Variants in ZCCHC2 observed in about 807,000 individuals in gnomAD.
The protein encoded by ZCCHC2 is zinc finger CCHC-type containing 2.
In ZCCHC2, 39 loss-of-function variants were observed where a neutral mutation model predicts 103.6. The ratio of observed to expected loss-of-function variants is 0.38; its 90% confidence interval spans 0.29 to 0.49. The LOEUF is 0.49. Ranked by LOEUF, ZCCHC2 falls within the 20% of genes least tolerant of loss-of-function variation. The probability of loss-of-function intolerance (pLI) is 0.96; values close to 1 mark genes in which losing one functional copy is unlikely to be tolerated. For missense variants in ZCCHC2, 1,483 were observed against 1,491.0 expected (o/e 0.99, Z 0.09); for synonymous variants, 687 against 608.9 (o/e 1.13, Z -1.89).
rs749046042 is a variant in ZCCHC2, at chr18:62,523,497, G to T, written c.73G>T (p.Ala25Ser). 2.5e-3 allele frequency: 2,480 copies of T among 999,716 alleles called. 57 individuals are homozygous for T. In the African/African-American group the frequency reaches 0.041, roughly 17 times the overall value. The allele number at this position is 999,716 out of a possible 1,614,324, so 61.9% of individuals were successfully genotyped here. A position where few individuals can be genotyped will look rare whatever the true frequency, so the allele number is the denominator to read the frequency against. Residue 25 changes from alanine (A) to serine (S), a missense_variant, in exon 1 of 14, where the codon GCG becomes TCG. By Grantham distance (99) the Ala-to-Ser change is moderately conservative (BLOSUM62 1). Around this residue, in one of 3 missense-constraint regions of ZCCHC2, gnomAD observed 568 missense variants for 525.1 expected, o/e 1.08. Transcript: ENST00000269499. The part of the protein sequence containing the change: ...EPPPEAEEPE[A>S]DARPGAKAPS... ...GCCGCCCGAGGCGGAGGAGCCCGAG[G>T]CGGACGCGCGGCCGGGCGCGAAGGC...
In ZCCHC2 at chr18:62,575,501, A is replaced by G. The variant is rs763927773; in HGVS notation, c.3420A>G (p.Gly1140=). 2.0e-5 allele frequency: 32 copies of G among 1,613,926 alleles called. No homozygotes were observed. Among genetic ancestry groups the G allele is most frequent in the Non-Finnish European group, 2.7e-5 (32 of 1,179,908 alleles). Residue 1140 remains glycine (G), a synonymous_variant, in exon 13 of 14, where the codon GGA becomes GGG. Coordinates refer to ENST00000269499, the MANE Select transcript of ZCCHC2 (RefSeq NM_017742.6). ...CATGTTACAATTGTGGTGTAAGCGG[A>G]CACTATGCACAGGACTGTAAGCAGT... The part of the protein sequence containing the change: ...NVSCYNCGVS[G]HYAQDCKQSS...
At chr18:62,579,720 G>A (rs1287347116), downstream of ZCCHC2, among the ~76,000 whole-genome samples, 2 of 151,826 alleles carry the variant, frequency 1.3e-5, no homozygotes, top group Admixed American at 6.6e-5. Flanking sequence ...GATTGTGTTA[G>A]TCTTTTCTTT....
At position 62,562,582 on chromosome 18, in the gene ZCCHC2, A is replaced by G. The variant is rs78546174; in HGVS notation, c.1551-427A>G. On this transcript the variant is annotated intron_variant, in intron 8 of 13. Coordinates refer to ENST00000269499, the MANE Select transcript of ZCCHC2 (RefSeq NM_017742.6). The stretch of plus-strand genomic sequence containing the variant: ...ACTGTTACCTGAAAGTCTGTGTCCA[A>G]TAAGTTTATCATCTGAATTCTGCTG... Among the ~76,000 whole-genome samples, 1,522 of 152,250 alleles carry G rather than the reference A, an allele frequency of 1.0e-2. 17 individuals carry two copies. Among genetic ancestry groups the G allele is most frequent in the African/African-American group, 0.035 (1,450 of 41,526 alleles).
Position 62,564,627 on chromosome 18 carries a change from A to T in ZCCHC2, c.1743A>T (p.Gln581His), listed in dbSNP as rs553504792. 1.7e-4 allele frequency: 258 copies of T among 1,543,728 alleles called. 5 individuals carry two copies. The highest frequency in any genetic ancestry group is 1.3e-3 in the South Asian group (110 of 82,554). ...TAAATAAGAAGAAAGGAAAGCCACA[A>T]ACAGAAAAGTAGGTTCAATTTAAGG... The part of the protein sequence containing the change: ...SSINKKKGKP[Q>H]TEKEKIKKTD... Residue 581 changes from glutamine (Q) to histidine (H), a missense_variant, in exon 10 of 14, where the codon CAA becomes CAT. Gln to His is a conservative substitution (Grantham distance 24, BLOSUM62 0). This residue lies in a region of ZCCHC2 where 884 missense variants were observed against 907.5 expected (regional missense o/e 0.97). Transcript: ENST00000269499.
At chr18:62,584,007 G>T (rs547042839) in intron 14 of ZCCHC2, among the ~76,000 whole-genome samples, 70 of 152,268 alleles carry the variant, frequency 4.6e-4, no homozygotes, top group African/African-American at 1.6e-3. Context: ...GCTTGCTCAG[G>T]TTGGATTCCT....
Position 62,528,926 on chromosome 18 carries a change from A to G in ZCCHC2, c.939+4563A>G, listed in dbSNP as rs1275262347. Among the ~76,000 whole-genome samples the G allele has an allele frequency of 2.6e-5, 4 of 152,218 alleles. No homozygotes were observed. In the South Asian group the frequency reaches 8.3e-4, roughly 32 times the overall value. ...CTGTAATTCCAGCACTTTGAAAGCC[A>G]AGGCAGGTGGATCACCTGAGGTCAG... On this transcript the variant is annotated intron_variant, in intron 1 of 13. Transcript: ENST00000269499.
At chr18:62,551,401 T>C (rs1915656899) in intron 5 of ZCCHC2, 1 of 152,162 alleles carries the variant, frequency 6.6e-6, no homozygotes, top group Non-Finnish European at 1.5e-5. Context: ...GGAAAGCAGG[T>C]AGTTGTATTT....
At chr18:62,526,890 CA>C (rs1568534808) in intron 1 of ZCCHC2, 2 of 151,910 alleles carry the variant, frequency 1.3e-5, no homozygotes, top group African/African-American at 2.4e-5. Context: ...CCGCGGAGGC[CA>C]GGCTTTGGGC....
intron 12 of ZCCHC2, among the ~76,000 whole-genome samples, chr18:62,570,549 C>T (rs1199724471): frequency 6.6e-6 from 1 of 152,176 alleles, no homozygotes; most frequent in Non-Finnish European, 1.5e-5. Flanking sequence ...TGTTTATGCT[C>T]TTTACGTCCT....
At chr18:62,530,710 C>T (rs1248073293) in intron 1 of ZCCHC2, among the ~76,000 whole-genome samples, 1 of 151,888 alleles carries the variant, frequency 6.6e-6, no homozygotes, top group Non-Finnish European at 1.5e-5. Flanking sequence ...ACAGATAAAC[C>T]CAAAGGAAGG....
chr18:62,564,135 A>C lies in ZCCHC2; in HGVS notation c.1687-436A>C, dbSNP rs149761177. On this transcript the variant is annotated intron_variant, in intron 9 of 13. Coordinates refer to ENST00000269499, the MANE Select transcript of ZCCHC2 (RefSeq NM_017742.6). ...AGAAATTATAAATAGTTTTAGTCAT[A>C]ATTAGTGACCTATTTTCAAAGCCCG... Among the ~76,000 whole-genome samples the C allele has an allele frequency of 2.5e-3, 375 of 152,294 alleles. 3 individuals are homozygous for C. Among genetic ancestry groups the C allele is most frequent in the African/African-American group, 8.6e-3 (357 of 41,562 alleles).
At chr18:62,531,605 T>G (rs929462327) in intron 1 of ZCCHC2, among the ~76,000 whole-genome samples, 1 of 152,078 alleles carries the variant, frequency 6.6e-6, no homozygotes, top group Admixed American at 6.5e-5. Context: ...GATATATGTA[T>G]TATTCATAGA....
intron 1 of ZCCHC2, among the ~76,000 whole-genome samples, chr18:62,538,274 A>AG (rs912268569): frequency 1.5e-4 from 22 of 151,630 alleles, no homozygotes; most frequent in Non-Finnish European, 1.5e-4. Context: ...AAAAAAAAAA[A>AG]AAAGAAAGAA....
At chr18:62,525,438 C>G (rs1475554758) in intron 1 of ZCCHC2, 1 of 152,122 alleles carries the variant, frequency 6.6e-6, no homozygotes, top group East Asian at 1.9e-4. Context: ...CCATGTTTTT[C>G]AGCTTAGGTG....
chr18:62,567,616 A>C (rs1916421520), intron 11 of ZCCHC2, among the ~76,000 whole-genome samples: 1 of 152,124 alleles, frequency 6.6e-6, no homozygotes, highest in Non-Finnish European at 1.5e-5. Context: ...CTGTCTTCTG[A>C]AGAGGTGCAT....
At chr18:62,531,396 A>G (rs749930186) in intron 1 of ZCCHC2, among the ~76,000 whole-genome samples, 3 of 152,174 alleles carry the variant, frequency 2.0e-5, no homozygotes, top group Non-Finnish European at 4.4e-5. Flanking sequence ...TTCATTAGAA[A>G]TGTTTTGTGC....
chr18:62,565,524 T>C (rs1035904210), intron 11 of ZCCHC2, among the ~76,000 whole-genome samples: 1 of 152,186 alleles, frequency 6.6e-6, no homozygotes, highest in Non-Finnish European at 1.5e-5. Context: ...TTGCGAAGTT[T>C]TATGAGGCTT....
At chr18:62,564,245 G>A (rs1916249007) in intron 9 of ZCCHC2, among the ~76,000 whole-genome samples, 1 of 152,136 alleles carries the variant, frequency 6.6e-6, no homozygotes, top group African/African-American at 2.4e-5. Context: ...CAGTTATATG[G>A]AATTGTACTT....
In ZCCHC2 at chr18:62,556,247, A is replaced by C; in HGVS notation, c.1358A>C (p.Lys453Thr). 1 of 1,607,648 alleles carries C rather than the reference A, an allele frequency of 6.2e-7. No individual in the cohort carries two copies. The highest frequency in any genetic ancestry group is 8.5e-7 in the Non-Finnish European group (1 of 1,176,764). Residue 453 changes from lysine to threonine, a missense_variant, in exon 6 of 14, where the codon AAA becomes ACA. This residue lies in a region of ZCCHC2 where 884 missense variants were observed against 907.5 expected (regional missense o/e 0.97). Coordinates refer to ENST00000269499, the MANE Select transcript of ZCCHC2 (RefSeq NM_017742.6). ...SSSQAFLQSQKVHSFFQSISS... is the reference protein window; with the variant it reads ...SSSQAFLQSQTVHSFFQSISS... Reference sequence around the variant, plus strand: ...TCACAAGCTTTTCTACAAAGTCAGAAAGTACACAGCTTCTTTCAGTCCATA... The same window carrying C: ...TCACAAGCTTTTCTACAAAGTCAGACAGTACACAGCTTCTTTCAGTCCATA...
Sources: gnomAD v4.1 joint callset for allele counts (sites outside exome capture counted in the v4.1 genomes callset) on GRCh38, gnomAD v4.1.1 for gene constraint, gnomAD v4.1.1 regional missense constraint, MANE v1.5 for transcripts, NCBI Gene and HGNC (gene_info 2026-07-23, HGNC 2026-07-21) for gene names.